EMSY: variants seen among roughly 807,000 people sequenced by gnomAD.
EMSY encodes the protein EMSY transcriptional repressor, BRCA2 interacting, also known as BRCA2-interacting transcriptional repressor EMSY.
EMSY carries 26 observed loss-of-function variants against 134.6 expected under a neutral mutation model. The ratio of observed to expected loss-of-function variants is 0.19; its 90% CI spans 0.14 to 0.27. The LOEUF is 0.27. Among genes scored for constraint, EMSY ranks in the 10% least tolerant of loss-of-function variants. The pLI is 1.00. For missense variants in EMSY, 1,305 were observed against 1,611.4 expected, an observed-to-expected ratio of 0.81 and a Z score of 3.26; for synonymous variants, 579 against 577.8, an observed-to-expected ratio of 1.00 and a Z score of -0.03.
Position 76,471,278 on chromosome 11 carries a change from G to A in EMSY, c.832-1286G>A, listed in dbSNP as rs181371967. ...ACAGAAAAATTGAGAAGATAGTACA[G>A]AGTTCTCATATACTCTGCACCCAGT... On this transcript the variant is annotated intron_variant, in intron 7 of 20. Coordinates refer to ENST00000334736, the Ensembl canonical transcript of EMSY. Among the ~76,000 whole-genome samples, 621 of 152,212 alleles carry A rather than the reference G, an allele frequency of 4.1e-3. 3 individuals are homozygous for A. The highest frequency in any genetic ancestry group is 7.1e-3 in the Non-Finnish European group (481 of 67,984).
At chr11:76,537,762 A>C in intron 15 of EMSY, 33 bp from the exon 17 acceptor site, 1 of 1,558,048 alleles carries the variant, frequency 6.4e-7, no homozygotes, top group African/African-American at 1.4e-5. Context: ...GTTTGTAATA[A>C]AAGTTAACTT....
chr11:76,526,516 G>A (rs1950851761), exon 13 of EMSY: 1 of 1,613,598 alleles, frequency 6.2e-7, no homozygotes, highest in African/African-American at 1.3e-5. Context: ...TATCCTTACT[G>A]CTACAAGACC....
intron 16 of EMSY, among the ~76,000 whole-genome samples, chr11:76,538,341 C>T (rs917039320): frequency 2.0e-5 from 3 of 152,134 alleles, no homozygotes; most frequent in African/African-American, 4.8e-5. Context: ...TTCACTGCAG[C>T]CTCAACTTCC....
At position 76,530,574 on chromosome 11, in the gene EMSY, CT is replaced by C. The variant is rs397849306; in HGVS notation, c.2194+2112del. ...ACTTTTAATGGCAAAACTGCAATTA[CT>C]TTTGCACCAACCTAATACATCTTTC... On this transcript the variant is annotated intron_variant, in intron 14 of 20. Transcript: ENST00000334736. Among the ~76,000 whole-genome samples, 164 of 152,310 alleles carry C rather than the reference CT, an allele frequency of 1.1e-3. 2 individuals are homozygous for C. The highest frequency in any genetic ancestry group is 9.7e-3 in the Admixed American group (148 of 15,292).
intron 9 of EMSY, among the ~76,000 whole-genome samples, chr11:76,504,375 G>A (rs764519335): frequency 2.2e-4 from 34 of 151,406 alleles, no homozygotes; most frequent in Non-Finnish European, 4.6e-4. Context: ...TAAAAGATCC[G>A]AATAGCCATT....
chr11:76,518,296 TAGCTA>T (rs969730930), intron 11 of EMSY, among the ~76,000 whole-genome samples: 138 of 151,150 alleles, frequency 9.1e-4, no homozygotes, highest in Middle Eastern at 3.5e-3. Flanking sequence ...GCCTTCCAGG[TAGCTA>T]AGACTACAGG....
intron 7 of EMSY, among the ~76,000 whole-genome samples, chr11:76,465,462 T>C (rs190488750): frequency 6.6e-6 from 1 of 152,334 alleles, no homozygotes; most frequent in Admixed American, 6.5e-5. Context: ...GAAAAATTGT[T>C]ACAGCCTTGC....
chr11:76,485,678 T>C (rs973810879), intron 8 of EMSY, among the ~76,000 whole-genome samples: 1 of 152,128 alleles, frequency 6.6e-6, no homozygotes, highest in Non-Finnish European at 1.5e-5. Context: ...TTCAACATAG[T>C]ATTGGAAGTT....
At chr11:76,461,748 A>G (rs931489715) in intron 6 of EMSY, among the ~76,000 whole-genome samples, 57 of 151,988 alleles carry the variant, frequency 3.8e-4, no homozygotes, top group South Asian at 2.1e-4. Flanking sequence ...CCTGGCCAAC[A>G]TGGTGAAACT....
exon 21 of EMSY, chr11:76,550,371 C>T: frequency 3.1e-6 from 1 of 318,710 alleles, no homozygotes; most frequent in Admixed American, 5.0e-5. Context: ...AAAAAAAAAG[C>T]TGCACATTTA....
exon 21 of EMSY, chr11:76,550,359 A>AT: frequency 3.1e-6 from 1 of 326,990 alleles, no homozygotes; most frequent in Non-Finnish European, 5.3e-6. Flanking sequence ...AAAATGAAAA[A>AT]GAAAAAAAAA....
chr11:76,480,275 G>A (rs1423995656), intron 8 of EMSY, among the ~76,000 whole-genome samples: 1 of 152,206 alleles, frequency 6.6e-6, no homozygotes, highest in Non-Finnish European at 1.5e-5. Context: ...CATAAGTGCT[G>A]TGATGGGCAA....
At chr11:76,504,319 T>G (rs531635247) in intron 9 of EMSY, among the ~76,000 whole-genome samples, 80 of 150,252 alleles carry the variant, frequency 5.3e-4, no homozygotes, top group African/African-American at 1.8e-3. Flanking sequence ...ATATAAACTC[T>G]TATAACTCAA....
intron 8 of EMSY, 94 bp downstream of exon 9, chr11:76,472,934 G>T (rs1212132026): frequency 6.6e-6 from 9 of 1,359,850 alleles, no homozygotes; most frequent in Non-Finnish European, 9.2e-6. Context: ...TGGATATGAA[G>T]GTCCCTACTA....
chr11:76,512,476 T>C (rs1002661375), intron 9 of EMSY, among the ~76,000 whole-genome samples: 1 of 152,198 alleles, frequency 6.6e-6, no homozygotes, highest in Admixed American at 6.5e-5. Flanking sequence ...TGTCAAATCC[T>C]AGAAGCTAGC....
At chr11:76,481,773 TCTC>T (rs1948991819) in intron 8 of EMSY, among the ~76,000 whole-genome samples, 1 of 152,060 alleles carries the variant, frequency 6.6e-6, no homozygotes, top group Non-Finnish European at 1.5e-5. Context: ...AAAACACCCA[TCTC>T]CCTGGGACAG....
intron 18 of EMSY, among the ~76,000 whole-genome samples, chr11:76,542,576 C>T (rs1398176918): frequency 6.6e-6 from 1 of 152,104 alleles, no homozygotes; most frequent in Non-Finnish European, 1.5e-5. Flanking sequence ...TGAACTCTTA[C>T]CATTTCAAAA....
intron 8 of EMSY, among the ~76,000 whole-genome samples, chr11:76,489,315 C>CTTTTTTTTTTTT (rs57048007): frequency 1.6e-5 from 2 of 128,170 alleles, no homozygotes; most frequent in Non-Finnish European, 3.3e-5. Context: ...TTCTTGTTTT[C>CTTTTTTTTTTTT]TTTTTTTTTT....
intron 9 of EMSY, among the ~76,000 whole-genome samples, chr11:76,504,764 C>T (rs147083952): frequency 5.9e-5 from 9 of 152,254 alleles, no homozygotes; most frequent in African/African-American, 1.9e-4. Context: ...ATAGGTGAAA[C>T]AATCCAAATT....
Sources: gnomAD v4.1 joint callset for allele counts (sites outside exome capture counted in the v4.1 genomes callset) on GRCh38, gnomAD v4.1.1 for gene constraint, MANE v1.5 for transcripts, NCBI Gene and HGNC (gene_info 2026-07-23, HGNC 2026-07-21) for gene names.